The following HPSE variants were observed in gnomAD, a reference collection of about 807,000 sequenced individuals.
The protein encoded by HPSE is endo-glucoronidase.
HPSE carries 48 observed loss-of-function variants against 65.1 expected under a neutral mutation model. The ratio of observed to expected loss-of-function variants is 0.74; its 90% CI spans 0.58 to 0.94. HPSE has a LOEUF of 0.94. Among genes scored for constraint, HPSE ranks in the 40% least tolerant of loss-of-function variants. The probability of loss-of-function intolerance (pLI) is 0.00; values close to 1 mark genes in which losing one functional copy is unlikely to be tolerated. For missense variants in HPSE, 644 were observed against 637.5 expected, an observed-to-expected ratio of 1.01 and a Z score of -0.11; for synonymous variants, 243 against 260.0, an observed-to-expected ratio of 0.93 and a Z score of 0.63.
chr4:83,299,194 T>A (rs1184420685), intron 11 of HPSE, among the ~76,000 whole-genome samples: 2 of 151,542 alleles, frequency 1.3e-5, no homozygotes, highest in Non-Finnish European at 2.9e-5. Context: ...TGAAACCTCA[T>A]CTCTACTAAA....
Position 83,322,305 on chromosome 4 carries a change from C to G in HPSE, c.287G>C (p.Gly96Ala). The G allele has an allele frequency of 6.2e-7, 1 of 1,613,626 alleles. No individual in the cohort carries two copies. Among genetic ancestry groups the G allele is most frequent in the Non-Finnish European group, 8.5e-7 (1 of 1,179,670 alleles). ...GAAAATTAGGAAGTCTGTCTTGGTG[C>G]CACCAAACCTCAGGTACGCAGGAGA... ...GLSPAYLRFG[G>A]TKTDFLIFDP... Residue 96 changes from glycine (G) to alanine (A), a missense_variant, in exon 2 of 12, where the codon GGC (glycine) becomes GCC (alanine). By Grantham distance (60) the Gly-to-Ala change is moderately conservative. Transcript: ENST00000311412.
At chr4:83,331,114 G>A (rs1165712518) in intron 1 of HPSE, among the ~76,000 whole-genome samples, 1 of 152,060 alleles carries the variant, frequency 6.6e-6, no homozygotes, top group African/African-American at 2.4e-5. Context: ...TGAGGCAGGA[G>A]AATAACTTGA....
At chr4:83,301,744 A>G (rs764944096) in intron 10 of HPSE, among the ~76,000 whole-genome samples, 1 of 152,194 alleles carries the variant, frequency 6.6e-6, no homozygotes, top group African/African-American at 2.4e-5. Flanking sequence ...AGATTTAGGA[A>G]CATTTTTTGC....
At chr4:83,296,763 T>A (rs1229298625) in intron 11 of HPSE, among the ~76,000 whole-genome samples, 1 of 152,122 alleles carries the variant, frequency 6.6e-6, no homozygotes, top group African/African-American at 2.4e-5. Context: ...ATGTAAAGTA[T>A]GTAGAACACT....
At chr4:83,332,515 GA>G (rs1737418548) in intron 1 of HPSE, among the ~76,000 whole-genome samples, 1 of 152,044 alleles carries the variant, frequency 6.6e-6, no homozygotes, top group Admixed American at 6.5e-5. Flanking sequence ...TTGTAAACCA[GA>G]AAAAAAGTTT....
rs13136995 is a variant in HPSE at position 83,326,941 on chromosome 4, C to T, written c.228-4577G>A. On this transcript the variant is annotated intron_variant, in intron 1 of 11. Coordinates refer to ENST00000311412, the MANE Select transcript of HPSE (RefSeq NM_001098540.3). The surrounding 1 kb of genome is among the most constrained non-coding windows in gnomAD (Gnocchi z 4.2). ...CATCTGTGAGTGACCTGGGTCACAG[C>T]CTGGTCCTTAGAGGTACAAACTGTA... Among the ~76,000 whole-genome samples, 93,014 of 152,014 alleles carry T rather than the reference C, an allele frequency of 0.61. 31,347 individuals carry two copies. The highest frequency in any genetic ancestry group is 0.76 in the Non-Finnish European group (51,905 of 67,974).
intron 1 of HPSE, among the ~76,000 whole-genome samples, chr4:83,325,559 ACT>A (rs1316009887): frequency 6.6e-6 from 1 of 152,274 alleles, no homozygotes; most frequent in African/African-American, 2.4e-5. Flanking sequence ...TTGCAGGCTG[ACT>A]CTGCCAGGCA....
rs1560514362 is a variant in HPSE at position 83,322,792 on chromosome 4, TGTGTG to T, written c.228-433_228-429del. On this transcript the variant is annotated intron_variant, in intron 1 of 11. Coordinates refer to ENST00000311412, the MANE Select transcript of HPSE (RefSeq NM_001098540.3). ...TCTAATTCTGGCAAGAGCTTGTTTG[TGTGTG>T]TGTGTGTGTGTGTGTGTGTGTGTGT... Among the ~76,000 whole-genome samples the T allele has an allele frequency of 8.4e-3, 969 of 114,894 alleles. 5 individuals carry two copies. Among genetic ancestry groups the T allele is most frequent in the African/African-American group, 0.037 (741 of 19,996 alleles). 75.4% of individuals were successfully genotyped at this position (114,894 alleles called of 152,430 possible). A position where few individuals can be genotyped will look rare whatever the true frequency, so the allele number is the denominator to read the frequency against.
intron 1 of HPSE, among the ~76,000 whole-genome samples, chr4:83,331,261 A>T (rs529818468): frequency 1.3e-5 from 2 of 152,308 alleles, no homozygotes; most frequent in African/African-American, 4.8e-5. Flanking sequence ...AATACACGCC[A>T]GATTATAGAA....
chr4:83,309,031 A>G, intron 7 of HPSE, 80 bp from the exon 8 acceptor site: 1 of 1,104,892 alleles, frequency 9.1e-7, no homozygotes, highest in Non-Finnish European at 1.4e-6. Context: ...GATTAACAGC[A>G]TTCAAAACTT....
chr4:83,327,633 CT>C (rs1405994236), intron 1 of HPSE, among the ~76,000 whole-genome samples: 1 of 152,106 alleles, frequency 6.6e-6, no homozygotes, highest in African/African-American at 2.4e-5. Context: ...TTTATTTTAC[CT>C]TTTGTACAAA....
In HPSE at chr4:83,309,478, C is replaced by T. The variant is rs547265187; in HGVS notation, c.908G>A (p.Arg303Gln). 1.7e-5 allele frequency: 26 copies of T among 1,543,134 alleles called. No homozygotes were observed. Among genetic ancestry groups the T allele is most frequent in the African/African-American group, 1.1e-4 (8 of 72,680 alleles). The change falls in exon 7 of 12, where the codon CGG becomes CAG. Residue 303 changes from arginine to glutamine, a missense_variant. Physicochemically the swap from Arg to Gln is conservative, Grantham distance 43 (BLOSUM62 1). Transcript: ENST00000311412. Reference protein sequence around the residue: ...VTWHHYYLNGRTATKEDFLNP... With the variant: ...VTWHHYYLNGQTATKEDFLNP... ...TAGAAAATCTTCCTTGGTAGCAGTCCGTCCATTCAAATAGTAGCTAAATTA... is the reference window on the plus strand; with the variant it reads ...TAGAAAATCTTCCTTGGTAGCAGTCTGTCCATTCAAATAGTAGCTAAATTA...
chr4:83,332,606 G>A (rs762892469), intron 1 of HPSE, among the ~76,000 whole-genome samples: 80 of 152,204 alleles, frequency 5.3e-4, no homozygotes, highest in Non-Finnish European at 1.0e-3. Flanking sequence ...GGGGAAAAAA[G>A]GGTGCTCTGG....
chr4:83,334,976 C>A (rs1737562266), upstream of HPSE: 2 of 853,324 alleles, frequency 2.3e-6, no homozygotes, highest in African/African-American at 1.8e-5. Flanking sequence ...CCAATCCAAC[C>A]CCGCCCCGCC....
In HPSE at chr4:83,334,805, C is replaced by T. The variant is rs1019927728; in HGVS notation, c.-23G>A. Reference sequence around the variant, plus strand: ...CATCTTGGGCTCACCTGGCTGCTCCCCCCGCCAGCTGCCGCGCAGCGGAGA... The same window carrying T: ...CATCTTGGGCTCACCTGGCTGCTCCTCCCGCCAGCTGCCGCGCAGCGGAGA... On this transcript the variant is annotated 5_prime_UTR_variant, in exon 1 of 12. Transcript: ENST00000311412. The T allele has an allele frequency of 4.0e-5, 60 of 1,491,374 alleles. No individual in the cohort carries two copies. The highest frequency in any genetic ancestry group is 5.1e-5 in the Non-Finnish European group (57 of 1,120,816). The allele number at this position is 1,491,374 out of a possible 1,614,324, so 92.4% of individuals were successfully genotyped here.
intron 7 of HPSE, 92 bp from the exon 8 acceptor site, chr4:83,309,043 G>A: frequency 1.1e-6 from 1 of 946,582 alleles, no homozygotes; most frequent in Non-Finnish European, 1.7e-6. Flanking sequence ...TCAAAACTTT[G>A]TATTCCTAGA....
intron 1 of HPSE, among the ~76,000 whole-genome samples, chr4:83,332,693 G>A (rs1258247573): frequency 6.6e-6 from 1 of 152,208 alleles, no homozygotes; most frequent in South Asian, 2.1e-4. Context: ...TACGTGTTAG[G>A]GGGGTGTTAG....
intron 5 of HPSE, among the ~76,000 whole-genome samples, chr4:83,310,458 G>C (rs1443924745): frequency 6.6e-6 from 1 of 151,924 alleles, no homozygotes; most frequent in Non-Finnish European, 1.5e-5. Context: ...CTTGAGCACA[G>C]GAATTCAAGA....
At position 83,334,743 on chromosome 4, in the gene HPSE, T is replaced by TCAG. The variant is rs1296729351; in HGVS notation, c.37_39dup (p.Leu13dup). 1 of 1,556,774 alleles carries TCAG rather than the reference T, an allele frequency of 6.4e-7. No individual in the cohort carries two copies. The highest frequency in any genetic ancestry group is 8.7e-7 in the Non-Finnish European group (1 of 1,150,324). ...CCCAGCGGCCCCAGGAGCAGCAGCA[T>TCAG]CAGCGGCGGCGGCAGCGCAGGCTTC... On this transcript the variant is annotated inframe_insertion, in exon 1 of 12. Transcript: ENST00000311412.
Sources: allele counts gnomAD v4.1 joint callset (sites outside exome capture counted in the v4.1 genomes callset), GRCh38; gene constraint gnomAD v4.1.1; non-coding constraint Gnocchi (gnomAD v3.1); transcripts MANE v1.5; gene names NCBI Gene and HGNC (gene_info 2026-07-23, HGNC 2026-07-21).